The following LDAH variants were observed in gnomAD, a reference collection of about 807,000 sequenced individuals.
The protein encoded by LDAH is lipid droplet associated hydrolase, also known as lipid droplet-associated hydrolase.
A neutral mutation model predicts 29.6 loss-of-function variants in LDAH; 26 were observed. The ratio of observed to expected loss-of-function variants is 0.88; its 90% confidence interval spans 0.64 to 1.22. LDAH has a LOEUF of 1.22. Ranked by LOEUF, LDAH falls within the 50% of genes most tolerant of loss-of-function variation. The pLI, the probability that LDAH is intolerant of heterozygous loss-of-function variation, is 0.00. For missense variants in LDAH, 344 were observed against 387.3 expected (o/e 0.89, Z 0.94); for synonymous variants, 117 against 133.0 (o/e 0.88, Z 0.83).
chr2:20,758,993 T>C (rs1668506339), intron 4 of LDAH, among the ~76,000 whole-genome samples: 1 of 152,232 alleles, frequency 6.6e-6, no homozygotes, highest in Non-Finnish European at 1.5e-5. Context: ...TTGACATTAA[T>C]ATAATATTAC....
At position 20,684,823 on chromosome 2, in the gene LDAH, G is replaced by A. The variant is rs1335945135; in HGVS notation, c.*2080C>T. On this transcript the variant is annotated 3_prime_UTR_variant, in exon 7 of 7. Transcript: ENST00000237822. ...TGGTTGACTGGGACATACAGGCAGAGCTGCTTCTGGAAAATGGATTTCTTC... is the reference window on the plus strand; with the variant it reads ...TGGTTGACTGGGACATACAGGCAGAACTGCTTCTGGAAAATGGATTTCTTC... The A allele has an allele frequency of 6.5e-7, 1 of 1,528,718 alleles. No individual in the cohort carries two copies. Among genetic ancestry groups the A allele is most frequent in the Non-Finnish European group, 8.8e-7 (1 of 1,134,702 alleles). The allele number at this position is 1,528,718 out of a possible 1,614,324, so 94.7% of individuals were successfully genotyped here.
At chr2:20,753,914 T>G (rs1486586535) in intron 4 of LDAH, among the ~76,000 whole-genome samples, 4 of 152,206 alleles carry the variant, frequency 2.6e-5, no homozygotes, top group Non-Finnish European at 5.9e-5. Context: ...TAATGAATCA[T>G]ATACCTTTAA....
intron 5 of LDAH, among the ~76,000 whole-genome samples, chr2:20,711,216 G>C (rs897027460): frequency 1.2e-4 from 18 of 152,010 alleles, no homozygotes; most frequent in Middle Eastern, 3.4e-3. Flanking sequence ...GTGAAACCCT[G>C]TCTCTACTAA....
At chr2:20,759,035 A>G (rs1179930566) in intron 4 of LDAH, among the ~76,000 whole-genome samples, 2 of 152,226 alleles carry the variant, frequency 1.3e-5, no homozygotes, top group African/African-American at 4.8e-5. Context: ...CCTTTGTAAG[A>G]GGTTATAAGA....
chr2:20,802,341 T>A (rs1319641070), intron 1 of LDAH, among the ~76,000 whole-genome samples: 1 of 152,176 alleles, frequency 6.6e-6, no homozygotes, highest in Non-Finnish European at 1.5e-5. Context: ...ATTACAGGCA[T>A]GAGCCATCAC....
chr2:20,701,222 A>G, intron 6 of LDAH, among the ~76,000 whole-genome samples: 1 of 152,294 alleles, frequency 6.6e-6, no homozygotes, highest in South Asian at 2.1e-4. Flanking sequence ...CATATAATGT[A>G]TTTTCCACTG....
At chr2:20,758,785 G>C (rs1452608143) in intron 4 of LDAH, among the ~76,000 whole-genome samples, 2 of 152,032 alleles carry the variant, frequency 1.3e-5, no homozygotes, top group Admixed American at 1.3e-4. Context: ...CTCAACAAAG[G>C]CACATAGATA....
chr2:20,780,647 G>A (rs2125040263), intron 3 of LDAH, among the ~76,000 whole-genome samples: 1 of 152,192 alleles, frequency 6.6e-6, no homozygotes, highest in Non-Finnish European at 1.5e-5. Flanking sequence ...GATACCTATA[G>A]ATTGCCAAGA....
At position 20,823,051 on chromosome 2, in the gene LDAH, G is replaced by A. The variant is rs903150801; in HGVS notation, c.-17C>T. 1.3e-5 allele frequency: 2 copies of A among 152,396 alleles called. No individual in the cohort carries two copies. The highest frequency in any genetic ancestry group is 1.9e-4 in the East Asian group (1 of 5,194). 9.4% of individuals were successfully genotyped at this position (152,396 alleles called of 1,614,324 possible). ...CTGTACCTCACCTGTCCACCTGGAA[G>A]GCTGCCCGCTCTCCCTGAGGGTCCT... On this transcript the variant is annotated 5_prime_UTR_variant, in exon 1 of 7. Transcript: ENST00000237822.
intron 5 of LDAH, among the ~76,000 whole-genome samples, chr2:20,705,233 C>T (rs561050231): frequency 6.6e-6 from 1 of 152,244 alleles, no homozygotes; most frequent in African/African-American, 2.4e-5. Context: ...TTCCAGCATC[C>T]AAGGTTTATG....
chr2:20,741,430 G>T (rs372464161), intron 4 of LDAH, among the ~76,000 whole-genome samples: 2 of 152,036 alleles, frequency 1.3e-5, no homozygotes, highest in Admixed American at 6.6e-5. Flanking sequence ...TTTTGAGTTG[G>T]TTTTTGTGGT....
In LDAH at chr2:20,801,424, C is replaced by T. The variant is rs1364568942; in HGVS notation, c.40G>A (p.Glu14Lys). 6.2e-7 allele frequency: 1 copy of T among 1,614,104 alleles called. No homozygotes were observed. The highest frequency in any genetic ancestry group is 1.7e-5 in the Admixed American group (1 of 60,008). Reference protein sequence around the residue: ...ELKEEIPVHEEFILCGGAETQ... With the variant: ...ELKEEIPVHEKFILCGGAETQ... ...TCGGCTCCACCACACAAAATGAATT[C>T]CTCATGCACAGGAATTTCTTCCTTG... The change falls in exon 2 of 7, where the codon GAA becomes AAA. Residue 14 changes from glutamate (E) to lysine (K), a missense_variant. By Grantham distance (56) the Glu-to-Lys change is moderately conservative. Coordinates refer to ENST00000237822, the MANE Select transcript of LDAH (RefSeq NM_021925.4).
intron 2 of LDAH, among the ~76,000 whole-genome samples, chr2:20,799,810 A>T (rs1245533165): frequency 2.6e-5 from 4 of 152,310 alleles, no homozygotes; most frequent in Non-Finnish European, 5.9e-5. Context: ...TATATTCTGC[A>T]GCCAAAAGAA....
At chr2:20,729,351 C>T (rs937732970) in intron 5 of LDAH, among the ~76,000 whole-genome samples, 1 of 152,156 alleles carries the variant, frequency 6.6e-6, no homozygotes, top group African/African-American at 2.4e-5. Context: ...TTATATGTGA[C>T]ATATTATGTA....
intron 5 of LDAH, among the ~76,000 whole-genome samples, chr2:20,708,875 A>G (rs1664499788): frequency 6.6e-6 from 1 of 152,220 alleles, no homozygotes; most frequent in Non-Finnish European, 1.5e-5. Context: ...CACCATCAAG[A>G]AAGTAAAAAG....
rs1001799761 is a variant in LDAH, at chr2:20,701,593, T to C, written c.763A>G (p.Thr255Ala). The change falls in exon 6 of 7, where the codon ACC (threonine) becomes GCC (alanine). Residue 255 changes from threonine to alanine, a missense_variant. Physicochemically the swap from Thr to Ala is moderately conservative, Grantham distance 58 (BLOSUM62 0). Coordinates refer to ENST00000237822, the MANE Select transcript of LDAH (RefSeq NM_021925.4). ...MMEVVKRDDETIKEHLCKLTF... is the reference protein window; with the variant it reads ...MMEVVKRDDEAIKEHLCKLTF... ...ACCTTACATAAATGCTCCTTTATGG[T>C]TTCGTCATCTCTCTTCACCACCTCC... The C allele has an allele frequency of 1.2e-6, 2 of 1,614,124 alleles. No homozygotes were observed. Among genetic ancestry groups the C allele is most frequent in the Non-Finnish European group, 1.7e-6 (2 of 1,180,002 alleles).
At chr2:20,782,242 C>T (rs1422014731) in intron 3 of LDAH, among the ~76,000 whole-genome samples, 3 of 152,136 alleles carry the variant, frequency 2.0e-5, no homozygotes, top group African/African-American at 4.8e-5. Flanking sequence ...TTAATAAACC[C>T]TCCAGGTGAT....
intron 2 of LDAH, among the ~76,000 whole-genome samples, chr2:20,792,834 A>G (rs1255070363): frequency 1.3e-5 from 2 of 152,190 alleles, no homozygotes; most frequent in African/African-American, 4.8e-5. Flanking sequence ...ATGGGTTGAC[A>G]GGTGCAGCAA....
rs933911928 is a variant in LDAH at position 20,801,588 on chromosome 2, A to C, written c.-2-123T>G. On this transcript the variant is annotated intron_variant, in intron 1 of 6. Coordinates refer to ENST00000237822, the MANE Select transcript of LDAH (RefSeq NM_021925.4). ...ACCTAGAAGGAAATGCCACAAGGAC[A>C]TCTGGGAAACTATAAGACTATTCAG... 5 of 762,730 alleles carry C rather than the reference A, an allele frequency of 6.6e-6. No homozygotes were observed. The African/African-American group carries it at 7.0e-5, about 11-fold the overall frequency. 47.2% of individuals were successfully genotyped at this position (762,730 alleles called of 1,614,324 possible).
Sources: allele counts gnomAD v4.1 joint callset (sites outside exome capture counted in the v4.1 genomes callset), GRCh38; gene constraint gnomAD v4.1.1; transcripts MANE v1.5; gene names NCBI Gene and HGNC (gene_info 2026-07-23, HGNC 2026-07-21).